NWD2: variants seen among roughly 807,000 people sequenced by gnomAD.
NWD2 encodes the protein NACHT and WD repeat domain containing 2, also known as NACHT and WD repeat domain-containing protein 2.
NWD2 carries 37 observed loss-of-function variants against 132.7 expected under a neutral mutation model. The ratio of observed to expected loss-of-function variants is 0.28; its 90% CI spans 0.21 to 0.37. The LOEUF (loss-of-function observed/expected upper bound fraction) is 0.37. NWD2 is among the 10% of genes least tolerant of loss of function. NWD2 has a pLI of 1.00. For synonymous variants in NWD2, 705 were observed against 803.0 expected, an observed-to-expected ratio of 0.88 and a Z score of 2.06; for missense variants, 1,592 against 2,122.4, an observed-to-expected ratio of 0.75 and a Z score of 4.91.
intron 1 of NWD2, among the ~76,000 whole-genome samples, chr4:37,305,933 T>C (rs1203613057): frequency 2.0e-5 from 3 of 152,198 alleles, no homozygotes; most frequent in Non-Finnish European, 4.4e-5. Flanking sequence ...TGTTAGTCCT[T>C]TAAAGGTTCA....
chr4:37,380,005 C>T lies in NWD2; in HGVS notation c.357+23523C>T, dbSNP rs73809814. On this transcript the variant is annotated intron_variant, in intron 3 of 6. Coordinates refer to ENST00000309447, the MANE Select transcript of NWD2 (RefSeq NM_001144990.2). ...GGCAAGAAGCATTTGAACTTGGCTC[C>T]GCCACTTGTTCTATGTTCATCTCTA... 3.4e-3 allele frequency among the ~76,000 whole-genome samples: 512 copies of T among 152,322 alleles called. 2 individuals carry two copies. Among genetic ancestry groups the T allele is most frequent in the African/African-American group, 0.012 (482 of 41,568 alleles).
chr4:37,300,317 T>C (rs150572531), intron 1 of NWD2, among the ~76,000 whole-genome samples: 15 of 152,306 alleles, frequency 9.8e-5, no homozygotes, highest in Middle Eastern at 3.4e-3. Flanking sequence ...GCTGTAGCAA[T>C]CAATAAATTT....
chr4:37,269,316 C>T (rs1212297824), intron 1 of NWD2, among the ~76,000 whole-genome samples: 2 of 151,698 alleles, frequency 1.3e-5, no homozygotes, highest in Non-Finnish European at 2.9e-5. Flanking sequence ...AATTAGGGAG[C>T]AATGCAAAAC....
chr4:37,371,072 C>CTTTT lies in NWD2; in HGVS notation c.357+14592_357+14595dup, dbSNP rs1309185055. On this transcript the variant is annotated intron_variant, in intron 3 of 6. Transcript: ENST00000309447. Reference sequence around the variant, plus strand: ...TGCCAAAGAAGTTCAATTTTTTTTTCTTTTTCTTTTTTTTTTTTTTTTTGA... The same window carrying CTTTT: ...TGCCAAAGAAGTTCAATTTTTTTTTCTTTTTTTTTCTTTTTTTTTTTTTTTTTGA... 5.8e-3 allele frequency among the ~76,000 whole-genome samples: 583 copies of CTTTT among 100,452 alleles called. 35 individuals are homozygous for CTTTT. Among genetic ancestry groups the CTTTT allele is most frequent in the African/African-American group, 0.019 (478 of 25,468 alleles). The allele number at this position is 100,452 out of a possible 152,430, so 65.9% of individuals were successfully genotyped here. A position where few individuals can be genotyped will look rare whatever the true frequency, so the allele number is the denominator to read the frequency against.
chr4:37,444,129 G>T lies in NWD2; in HGVS notation c.2141G>T (p.Gly714Val). 1 of 1,551,730 alleles carries T rather than the reference G, an allele frequency of 6.4e-7. No homozygotes were observed. The highest frequency in any genetic ancestry group is 8.7e-7 in the Non-Finnish European group (1 of 1,147,008). Reference protein sequence around the residue: ...PYLYIARLKEGLSGYLIERHV... With the variant: ...PYLYIARLKEVLSGYLIERHV... Reference sequence around the variant, plus strand: ...TTGTACATTGCAAGGCTCAAGGAGGGTCTCAGTGGATACCTAATAGAAAGA... The same window carrying T: ...TTGTACATTGCAAGGCTCAAGGAGGTTCTCAGTGGATACCTAATAGAAAGA... Residue 714 changes from glycine (G) to valine (V), a missense_variant, in exon 7 of 7, where the codon GGT becomes GTT. Gly to Val is a moderately radical substitution (Grantham distance 109). This residue lies in a region of NWD2 where 1,071 missense variants were observed against 1,398.0 expected (regional missense o/e 0.77). Transcript: ENST00000309447. This position sits in a 1 kb window ranked among gnomAD's most constrained non-coding sequence, Gnocchi z 4.8.
intron 3 of NWD2, among the ~76,000 whole-genome samples, chr4:37,379,898 C>T (rs750281841): frequency 1.3e-5 from 2 of 152,162 alleles, no homozygotes; most frequent in Non-Finnish European, 2.9e-5. Context: ...TGCTTTACCC[C>T]GTGTTATCTT....
intron 1 of NWD2, among the ~76,000 whole-genome samples, chr4:37,297,099 G>A (rs1188755756): frequency 6.6e-6 from 1 of 152,140 alleles, no homozygotes; most frequent in African/African-American, 2.4e-5. Flanking sequence ...CTCTGTGTGT[G>A]TGTATATCAC....
intron 1 of NWD2, among the ~76,000 whole-genome samples, chr4:37,309,306 G>A (rs1481773543): frequency 1.3e-5 from 2 of 152,100 alleles, no homozygotes; most frequent in African/African-American, 4.8e-5. Flanking sequence ...CTCAAATTCT[G>A]GGGAGCACAT....
chr4:37,353,790 A>C (rs1719817061), intron 2 of NWD2, among the ~76,000 whole-genome samples: 2 of 152,042 alleles, frequency 1.3e-5, no homozygotes, highest in African/African-American at 2.4e-5. Context: ...GGGTTGGAAC[A>C]TGCTCCTTTA....
intron 1 of NWD2, among the ~76,000 whole-genome samples, chr4:37,262,924 G>T (rs1417863484): frequency 6.6e-6 from 1 of 152,062 alleles, no homozygotes; most frequent in Non-Finnish European, 1.5e-5. Flanking sequence ...TCCTACCAAA[G>T]CTCCTAGAAA....
intron 2 of NWD2, among the ~76,000 whole-genome samples, chr4:37,327,006 T>C (rs1444218285): frequency 6.6e-6 from 1 of 152,180 alleles, no homozygotes; most frequent in African/African-American, 2.4e-5. Context: ...GAATTGTCAC[T>C]CATAAGTCAC....
chr4:37,353,605 T>C (rs1269879812), intron 2 of NWD2, among the ~76,000 whole-genome samples: 1 of 151,968 alleles, frequency 6.6e-6, no homozygotes, highest in East Asian at 1.9e-4. Flanking sequence ...ATCTTCAATC[T>C]CTGATATCCT....
Position 37,446,212 on chromosome 4 carries a change from T to C in NWD2, c.4224T>C (p.Asn1408=). The change falls in exon 7 of 7, where the codon AAT becomes AAC. Residue 1408 remains asparagine (N), a synonymous_variant. Transcript: ENST00000309447. The surrounding 1 kb of genome is among the most constrained non-coding windows in gnomAD (Gnocchi z 6.7). ...QRISQLLITH[N]DQFVVSLCEE... is the part of the protein sequence containing the mutation. ...TATCTCAGCTGCTGATTACACACAA[T>C]GACCAGTTTGTGGTCTCGCTCTGTG... 1 of 1,551,738 alleles carries C rather than the reference T, an allele frequency of 6.4e-7. No individual in the cohort carries two copies. The highest frequency in any genetic ancestry group is 8.7e-7 in the Non-Finnish European group (1 of 1,147,008).
chr4:37,290,880 C>A (rs1560386514), intron 1 of NWD2, among the ~76,000 whole-genome samples: 1 of 152,128 alleles, frequency 6.6e-6, no homozygotes, highest in Non-Finnish European at 1.5e-5. Flanking sequence ...TGGAAGTTGG[C>A]TGTACAGTTG....
intron 1 of NWD2, among the ~76,000 whole-genome samples, chr4:37,281,923 A>G (rs1170098710): frequency 1.3e-5 from 2 of 152,214 alleles, no homozygotes; most frequent in Non-Finnish European, 2.9e-5. Flanking sequence ...TTGAGAAAGT[A>G]TGGCTAAACA....
chr4:37,248,913 C>G (rs947805548), intron 1 of NWD2, among the ~76,000 whole-genome samples: 15 of 152,176 alleles, frequency 9.9e-5, no homozygotes, highest in Non-Finnish European at 1.8e-4. Context: ...AGGAAAAATA[C>G]TTACGCTCTA....
intron 3 of NWD2, among the ~76,000 whole-genome samples, chr4:37,375,937 A>G (rs1330853128): frequency 6.6e-6 from 1 of 152,160 alleles, no homozygotes; most frequent in Non-Finnish European, 1.5e-5. Context: ...ATTTTATCAT[A>G]AAGTATTTTC....
intron 3 of NWD2, among the ~76,000 whole-genome samples, chr4:37,419,435 A>G (rs1447904254): frequency 6.6e-6 from 1 of 152,224 alleles, no homozygotes; most frequent in African/African-American, 2.4e-5. Flanking sequence ...CTGCACAGCA[A>G]AAGAAACTAT....
intron 3 of NWD2, among the ~76,000 whole-genome samples, chr4:37,374,470 A>C (rs1720303411): frequency 6.6e-6 from 1 of 152,228 alleles, no homozygotes; most frequent in African/African-American, 2.4e-5. Flanking sequence ...AACTAACACG[A>C]TAAAAATCAG....
Sources: gnomAD v4.1 joint callset for allele counts (sites outside exome capture counted in the v4.1 genomes callset) on GRCh38, gnomAD v4.1.1 for gene constraint, gnomAD v4.1.1 regional missense constraint, Gnocchi (gnomAD v3.1) non-coding constraint, MANE v1.5 for transcripts, NCBI Gene and HGNC (gene_info 2026-07-23, HGNC 2026-07-21) for gene names.